HMX1: variants seen among roughly 807,000 people sequenced by gnomAD.
The protein encoded by HMX1 is H6 family homeobox 1.
In HMX1, 8 loss-of-function variants were observed where a neutral mutation model predicts 8.9. That is an observed-to-expected ratio of 0.90 (90% CI 0.53 to 1.63). The LOEUF (loss-of-function observed/expected upper bound fraction) is 1.63, where lower values mean the gene tolerates loss of function less well. Among genes scored for constraint, HMX1 ranks in the 40% most tolerant of loss-of-function variants. The pLI is 0.00. For synonymous variants in HMX1, 311 were observed against 283.4 expected (o/e 1.10, Z -0.98); for missense variants, 621 against 558.5 (o/e 1.11, Z -1.13).
At chr4:8,858,779 C>T (rs1000655774) in intron 1 of HMX1, 1 of 152,324 alleles carries the variant, frequency 6.6e-6, no homozygotes, top group Non-Finnish European at 1.5e-5. Flanking sequence ...CATTCCTCCA[C>T]TGGGCCCCGT....
chr4:8,857,037 T>TC (rs1721627491), intron 1 of HMX1, among the ~76,000 whole-genome samples: 1 of 152,204 alleles, frequency 6.6e-6, no homozygotes, highest in African/African-American at 2.4e-5. Flanking sequence ...TGAGCCCTGA[T>TC]CGCGACACTG....
chr4:8,864,363 A>G (rs557224387), downstream of HMX1, among the ~76,000 whole-genome samples: 1 of 152,294 alleles, frequency 6.6e-6, no homozygotes, highest in Admixed American at 6.5e-5. Flanking sequence ...TGCAACTGGA[A>G]GCCCTGAGCA....
exon 2 of HMX1, chr4:8,846,155 G>T: frequency 9.7e-7 from 1 of 1,028,450 alleles, no homozygotes; most frequent in Non-Finnish European, 1.4e-6. Context: ...GTCACTCGGG[G>T]GTCCAGGCTG....
intron 1 of HMX1, among the ~76,000 whole-genome samples, chr4:8,859,550 A>C (rs546612555): frequency 6.6e-6 from 1 of 152,258 alleles, no homozygotes; most frequent in African/African-American, 2.4e-5. Context: ...AGGAGGATTG[A>C]GGAAGTGGGG....
rs1258401033 is a variant in HMX1 at position 8,855,461 on chromosome 4, G to C, written c.395-9137C>G. 2.0e-5 allele frequency among the ~76,000 whole-genome samples: 3 copies of C among 152,194 alleles called. No homozygotes were observed. The East Asian group carries it at 5.8e-4, about 29-fold the overall frequency. On this transcript the variant is annotated intron_variant, in intron 1 of 1. Coordinates refer to the HMX1 transcript ENST00000506970. ...AATGCAAGGGAGGCAACGATGGGTG[G>C]ACCTGAGACTGCTGGGGGCCAGGCG... is the stretch of plus-strand genomic sequence containing the variant.
chr4:8,869,748 C>T (rs903939955), intron 1 of HMX1, among the ~76,000 whole-genome samples: 34 of 152,132 alleles, frequency 2.2e-4, no homozygotes, highest in Admixed American at 1.8e-3. Context: ...CCATGTGCTG[C>T]CACAAGGCAC....
chr4:8,867,587 G>A lies in HMX1; in HGVS notation c.*106C>T. 1 of 1,185,444 alleles carries A rather than the reference G, an allele frequency of 8.4e-7. No homozygotes were observed. Among genetic ancestry groups the A allele is most frequent in the African/African-American group, 1.6e-5 (1 of 62,458 alleles). 73.4% of individuals were successfully genotyped at this position (1,185,444 alleles called of 1,614,324 possible). ...TCCCGAGGTATCTAGGAGGCCGCAG[G>A]AGCGACCATCCCTTCCCTAACGCCC... On this transcript the variant is annotated 3_prime_UTR_variant, in exon 2 of 2. Transcript: ENST00000400677.
chr4:8,848,909 G>C lies in HMX1; in HGVS notation c.395-2585C>G, dbSNP rs758852077. 4.5e-4 allele frequency among the ~76,000 whole-genome samples: 68 copies of C among 152,188 alleles called. No homozygotes were observed. Among genetic ancestry groups the C allele is most frequent in the Non-Finnish European group, 7.8e-4 (53 of 68,030 alleles). On this transcript the variant is annotated intron_variant, in intron 1 of 1. Coordinates refer to the HMX1 transcript ENST00000506970. This position sits in a 1 kb window ranked among gnomAD's most constrained non-coding sequence, Gnocchi z 4.1. ...AAGCCTCACCTTCCAACTACAAAGA[G>C]AAAAATGTTCCCTCTGTGAAAAGGT...
chr4:8,860,021 G>A (rs1383912296), intron 1 of HMX1, among the ~76,000 whole-genome samples: 1 of 152,244 alleles, frequency 6.6e-6, no homozygotes. Context: ...AACCGGCAGA[G>A]CCCCGACGGG....
chr4:8,867,109 A>G lies in HMX1; in HGVS notation c.*584T>C. The G allele has an allele frequency of 1.0e-6, 1 of 985,184 alleles. No homozygotes were observed. Among genetic ancestry groups the G allele is most frequent in the South Asian group, 4.7e-5 (1 of 21,258 alleles). 61.0% of individuals were successfully genotyped at this position (985,184 alleles called of 1,614,324 possible). On this transcript the variant is annotated 3_prime_UTR_variant, in exon 2 of 2. Coordinates refer to ENST00000400677, the MANE Select transcript of HMX1 (RefSeq NM_018942.3). ...AGTAGATTCATTTAAAAAAACAACA[A>G]CCCGGAGGCTGCGACGTCTGCAGAG...
Position 8,849,960 on chromosome 4 carries a change from G to A in HMX1, c.395-3636C>T, listed in dbSNP as rs888984845. ...GGTGACAAAGGAAGTGGCCAAGGGT[G>A]TGTCCCAAACCCTGTGGGTGTTGGT... is the stretch of plus-strand genomic sequence containing the variant. On this transcript the variant is annotated intron_variant, in intron 1 of 1. Coordinates refer to the HMX1 transcript ENST00000506970. This position sits in a 1 kb window ranked among gnomAD's most constrained non-coding sequence, Gnocchi z 6.6. Among the ~76,000 whole-genome samples the A allele has an allele frequency of 1.3e-5, 2 of 152,210 alleles. No homozygotes were observed. The highest frequency in any genetic ancestry group is 6.5e-5 in the Admixed American group (1 of 15,288).
rs149137727 is a variant in HMX1 at position 8,848,651 on chromosome 4, G to A, written c.395-2327C>T. 8.3e-3 allele frequency among the ~76,000 whole-genome samples: 1,268 copies of A among 152,242 alleles called. 33 individuals are homozygous for A. The highest frequency in any genetic ancestry group is 0.082 in the East Asian group (426 of 5,172). ...GCTGCTGTAGACCAACCTAAACCAG[G>A]CTCCCCCATCCCCCTTTTTTCAGAT... On this transcript the variant is annotated intron_variant, in intron 1 of 1. Transcript: ENST00000506970. This position sits in a 1 kb window ranked among gnomAD's most constrained non-coding sequence, Gnocchi z 4.1.
chr4:8,867,454 G>T lies in HMX1; in HGVS notation c.*239C>A. The T allele has an allele frequency of 1.8e-6, 2 of 1,122,632 alleles. No homozygotes were observed. The highest frequency in any genetic ancestry group is 1.1e-6 in the Non-Finnish European group (1 of 919,150). The allele number at this position is 1,122,632 out of a possible 1,614,324, so 69.5% of individuals were successfully genotyped here. A position where few individuals can be genotyped will look rare whatever the true frequency, so the allele number is the denominator to read the frequency against. ...GCTGCGCAGCCCAGAGTCTCTGCATGGCCCCCTGTTCGAGTGGGGATCCAG... is the reference window on the plus strand; with the variant it reads ...GCTGCGCAGCCCAGAGTCTCTGCATTGCCCCCTGTTCGAGTGGGGATCCAG... On this transcript the variant is annotated 3_prime_UTR_variant, in exon 2 of 2. Transcript: ENST00000400677.
In HMX1 at chr4:8,871,523, C is replaced by T; in HGVS notation, c.92G>A (p.Gly31Asp). 1 of 1,352,784 alleles carries T rather than the reference C, an allele frequency of 7.4e-7. No individual in the cohort carries two copies. Among genetic ancestry groups the T allele is most frequent in the Non-Finnish European group, 9.5e-7 (1 of 1,052,048 alleles). The allele number at this position is 1,352,784 out of a possible 1,614,324, so 83.8% of individuals were successfully genotyped here. Residue 31 changes from glycine (G) to aspartate (D), a missense_variant, in exon 1 of 2, where the codon GGC becomes GAC. Gly to Asp is a moderately conservative substitution (Grantham distance 94, BLOSUM62 -1). Coordinates refer to ENST00000400677, the MANE Select transcript of HMX1 (RefSeq NM_018942.3). The surrounding 1 kb of genome is among the most constrained non-coding windows in gnomAD (Gnocchi z 4.8). ...IENLLAAEAK[G>D]AGRATQGDGS... Reference sequence around the variant, plus strand: ...GTCGCCCTGGGTCGCGCGCCCTGCGCCCTTGGCCTCGGCCGCCAGCAGGTT... The same window carrying T: ...GTCGCCCTGGGTCGCGCGCCCTGCGTCCTTGGCCTCGGCCGCCAGCAGGTT...
At chr4:8,859,512 C>A (rs1721725529) in intron 1 of HMX1, among the ~76,000 whole-genome samples, 2 of 152,132 alleles carry the variant, frequency 1.3e-5, no homozygotes, top group Admixed American at 6.5e-5. Context: ...CTCAGACCCC[C>A]ATGTGGAGAG....
rs1259716264 is a variant in HMX1 at position 8,867,583 on chromosome 4, G to T, written c.*110C>A. The T allele has an allele frequency of 9.2e-5, 109 of 1,183,848 alleles. No individual in the cohort carries two copies. The highest frequency in any genetic ancestry group is 1.0e-4 in the Non-Finnish European group (100 of 957,142). The allele number at this position is 1,183,848 out of a possible 1,614,324, so 73.3% of individuals were successfully genotyped here. On this transcript the variant is annotated 3_prime_UTR_variant, in exon 2 of 2. Coordinates refer to ENST00000400677, the MANE Select transcript of HMX1 (RefSeq NM_018942.3). ...GCGCTCCCGAGGTATCTAGGAGGCC[G>T]CAGGAGCGACCATCCCTTCCCTAAC...
rs574822702 is a variant in HMX1, at chr4:8,860,589, CAG to C, written c.394+10630_394+10631del. 4.7e-3 allele frequency: 713 copies of C among 152,466 alleles called. 2 individuals are homozygous for C. Among genetic ancestry groups the C allele is most frequent in the Middle Eastern group, 0.01 (3 of 296 alleles). 9.4% of individuals were successfully genotyped at this position (152,466 alleles called of 1,614,324 possible). A position where few individuals can be genotyped will look rare whatever the true frequency, so the allele number is the denominator to read the frequency against. The stretch of plus-strand genomic sequence containing the variant: ...GGCTCGACCCGAAGGGGCCAGGCGG[CAG>C]AGAGCCCCGCGTCCCCCGCCACGGG... On this transcript the variant is annotated intron_variant, in intron 1 of 1. Coordinates refer to the HMX1 transcript ENST00000506970.
rs1721382233 is a variant in HMX1 at position 8,849,588 on chromosome 4, G to GT, written c.395-3265dup. Among the ~76,000 whole-genome samples, 1 of 152,136 alleles carries GT rather than the reference G, an allele frequency of 6.6e-6. No individual in the cohort carries two copies. The highest frequency in any genetic ancestry group is 1.5e-5 in the Non-Finnish European group (1 of 68,038). Reference sequence around the variant, plus strand: ...TTCAATTGTCTGAAGCCCATTGCCTGTGGCCCTTGGTCCCGGCAGCCCCAG... The same window carrying GT: ...TTCAATTGTCTGAAGCCCATTGCCTGTTGGCCCTTGGTCCCGGCAGCCCCAG... On this transcript the variant is annotated intron_variant, in intron 1 of 1. Transcript: ENST00000506970. This position sits in a 1 kb window ranked among gnomAD's most constrained non-coding sequence, Gnocchi z 6.6.
At chr4:8,864,265 T>G (rs1721920548), downstream of HMX1, among the ~76,000 whole-genome samples, 2 of 152,130 alleles carry the variant, frequency 1.3e-5, no homozygotes. Context: ...GGGGTGTGAT[T>G]ACGGTCATGG....
Sources: gnomAD v4.1 joint callset for allele counts (sites outside exome capture counted in the v4.1 genomes callset) on GRCh38, gnomAD v4.1.1 for gene constraint, Gnocchi (gnomAD v3.1) non-coding constraint, MANE v1.5 for transcripts, NCBI Gene and HGNC (gene_info 2026-07-23, HGNC 2026-07-21) for gene names.